XIRP2: variants seen among roughly 807,000 people sequenced by gnomAD.
The protein encoded by XIRP2 is xin actin binding repeat containing 2, also known as xin actin-binding repeat-containing protein 2.
A neutral mutation model predicts 277.0 loss-of-function variants in XIRP2; 236 were observed. That is an observed-to-expected ratio of 0.85 (90% CI 0.77 to 0.95). XIRP2 has a LOEUF of 0.95. XIRP2 is among the 40% of genes least tolerant of loss of function. The pLI, the probability that XIRP2 is intolerant of heterozygous loss-of-function variation, is 0.00. For missense variants in XIRP2, 4,640 were observed against 4,157.5 expected (o/e 1.12, Z -3.19); for synonymous variants, 1,490 against 1,416.5 (o/e 1.05, Z -1.17).
At chr2:167,146,616 A>G (rs901203478) in intron 3 of XIRP2, among the ~76,000 whole-genome samples, 35 of 152,272 alleles carry the variant, frequency 2.3e-4, no homozygotes, top group East Asian at 9.6e-4. Context: ...GGACACAATA[A>G]ACAGTCTAAT....
At chr2:167,091,416 C>T (rs1690144074) in intron 2 of XIRP2, among the ~76,000 whole-genome samples, 1 of 152,076 alleles carries the variant, frequency 6.6e-6, no homozygotes, top group South Asian at 2.1e-4. Context: ...GTATGTATTT[C>T]TGACTTATCA....
chr2:167,079,860 T>A (rs920445850), intron 2 of XIRP2, among the ~76,000 whole-genome samples: 1 of 152,116 alleles, frequency 6.6e-6, no homozygotes, highest in African/African-American at 2.4e-5. Flanking sequence ...TTGGGTTATA[T>A]CTTTTCTTCT....
chr2:166,929,577 A>C (rs1254638339), intron 2 of XIRP2, among the ~76,000 whole-genome samples: 2 of 152,216 alleles, frequency 1.3e-5, no homozygotes, highest in East Asian at 3.9e-4. Flanking sequence ...AGTGATTATA[A>C]TATTGTTGCA....
chr2:167,161,320 G>A (rs1429108478), intron 3 of XIRP2, among the ~76,000 whole-genome samples: 10 of 152,236 alleles, frequency 6.6e-5, no homozygotes, highest in African/African-American at 2.4e-4. Flanking sequence ...GCTCTGTGTG[G>A]GTGCTCTGAT....
intron 5 of XIRP2, among the ~76,000 whole-genome samples, chr2:167,224,687 T>G (rs1259188996): frequency 6.6e-6 from 1 of 152,216 alleles, no homozygotes; most frequent in Admixed American, 6.5e-5. Context: ...TAGCATATAT[T>G]AATTGATTAA....
intron 3 of XIRP2, among the ~76,000 whole-genome samples, chr2:167,189,344 A>G (rs1693256727): frequency 6.6e-6 from 1 of 152,174 alleles, no homozygotes; most frequent in South Asian, 2.1e-4. Flanking sequence ...GCCAGGAGTC[A>G]TGTCTAGATT....
intron 10 of XIRP2, among the ~76,000 whole-genome samples, chr2:167,256,489 A>G (rs780093002): frequency 1.4e-4 from 21 of 151,482 alleles, no homozygotes; most frequent in South Asian, 2.1e-4. Flanking sequence ...ATTCTGATTC[A>G]TGATGTTCTT....
chr2:167,130,741 T>C (rs1691350107), intron 2 of XIRP2, among the ~76,000 whole-genome samples: 1 of 152,086 alleles, frequency 6.6e-6, no homozygotes, highest in African/African-American at 2.4e-5. Flanking sequence ...GCGACCTAAA[T>C]TTCCTGTACC....
At position 167,248,332 on chromosome 2, in the gene XIRP2, C is replaced by T. The variant is rs769761003; in HGVS notation, c.6940C>T (p.Pro2314Ser). 2.5e-6 allele frequency: 4 copies of T among 1,613,796 alleles called. No individual in the cohort carries two copies. The highest frequency in any genetic ancestry group is 3.4e-6 in the Non-Finnish European group (4 of 1,179,820). Residue 2314 changes from proline to serine, a missense_variant, in exon 9 of 11, where the codon CCT (proline) becomes TCT (serine). Pro to Ser is a moderately conservative substitution (Grantham distance 74, BLOSUM62 -1). Transcript: ENST00000409195. ...AATTGAATTTCCTCTTCCTCCTCCA[C>T]CTCCTTTGATGATGTTTCCTGAAAA... ...SEIEFPLPPP[P>S]PLMMFPEKNG...
intron 2 of XIRP2, among the ~76,000 whole-genome samples, chr2:167,013,869 A>G (rs576829960): frequency 6.6e-6 from 1 of 151,212 alleles, no homozygotes; most frequent in South Asian, 2.1e-4. Flanking sequence ...TTGGGTAATT[A>G]GATTCCTCTT....
At chr2:167,203,627 G>A (rs930813379) in intron 3 of XIRP2, among the ~76,000 whole-genome samples, 2 of 152,076 alleles carry the variant, frequency 1.3e-5, no homozygotes, top group African/African-American at 4.8e-5. Context: ...AATTGATGCA[G>A]GTCTGTGCTG....
In XIRP2 at chr2:167,247,907, T is replaced by A. The variant is rs762373782; in HGVS notation, c.6515T>A (p.Val2172Asp). Reference sequence around the variant, plus strand: ...ACCCAGCATCCAGTCAGCATGCCAGTTGGAGGAACTTACGACCTTTCAGGG... The same window carrying A: ...ACCCAGCATCCAGTCAGCATGCCAGATGGAGGAACTTACGACCTTTCAGGG... Reference protein sequence around the residue: ...SPTQHPVSMPVGGTYDLSGDF... With the variant: ...SPTQHPVSMPDGGTYDLSGDF... The change falls in exon 9 of 11, where the codon GTT becomes GAT. Residue 2172 changes from valine (V) to aspartate (D), a missense_variant. Physicochemically the swap from Val to Asp is radical, Grantham distance 152. Coordinates refer to ENST00000409195, the MANE Select transcript of XIRP2 (RefSeq NM_152381.6). 2.5e-6 allele frequency: 4 copies of A among 1,613,212 alleles called. No homozygotes were observed. Among genetic ancestry groups the A allele is most frequent in the Non-Finnish European group, 2.5e-6 (3 of 1,179,674 alleles).
chr2:167,133,682 T>A (rs932251820), intron 2 of XIRP2, among the ~76,000 whole-genome samples: 1 of 152,178 alleles, frequency 6.6e-6, no homozygotes, highest in Non-Finnish European at 1.5e-5. Context: ...TTTGTAGGGA[T>A]CTGCACCTTC....
chr2:167,240,107 T>G (rs1695013410), intron 6 of XIRP2, 142 bp downstream of exon 6: 1 of 820,928 alleles, frequency 1.2e-6, no homozygotes, highest in African/African-American at 1.8e-5. Context: ...ACTTTCAAGT[T>G]GGAATTCTTT....
chr2:166,905,550 TA>T, intron 2 of XIRP2, among the ~76,000 whole-genome samples: 1 of 151,986 alleles, frequency 6.6e-6, no homozygotes, highest in Non-Finnish European at 1.5e-5. Context: ...ATTTGCCTTG[TA>T]AAAATGAGAT....
rs1694253615 is a variant in XIRP2 at position 167,216,677 on chromosome 2, TG to T, written c.724-1488del. On this transcript the variant is annotated intron_variant, in intron 4 of 10. Transcript: ENST00000409195. ...TGGAGAAATAGGAACACTTTTACACTGTTGGTGGGACTGGAAACTAGTTCAA... is the reference window on the plus strand; with the variant it reads ...TGGAGAAATAGGAACACTTTTACACTTTGGTGGGACTGGAAACTAGTTCAA... 5.3e-5 allele frequency among the ~76,000 whole-genome samples: 3 copies of T among 57,130 alleles called. No homozygotes were observed. The African/African-American group carries it at 6.3e-4, about 12-fold the overall frequency. 37.5% of individuals were successfully genotyped at this position (57,130 alleles called of 152,430 possible).
chr2:167,135,753 G>T, intron 2 of XIRP2, 156 bp from the exon 3 acceptor site: 1 of 654,734 alleles, frequency 1.5e-6, no homozygotes, highest in East Asian at 3.0e-5. Flanking sequence ...TGCAGTTCTT[G>T]GCAAAGTTAT....
At chr2:167,200,280 G>A (rs78935895) in intron 3 of XIRP2, among the ~76,000 whole-genome samples, 15,454 of 152,250 alleles carry the variant, frequency 0.1, 823 homozygotes, top group East Asian at 0.2. Flanking sequence ...CTGGCCTAGT[G>A]ATCACCTGGG....
intron 2 of XIRP2, among the ~76,000 whole-genome samples, chr2:167,023,823 T>C (rs565735262): frequency 7.2e-5 from 11 of 152,300 alleles, no homozygotes; most frequent in Admixed American, 6.5e-4. Flanking sequence ...ATATCTCTGT[T>C]TTGGTACCAG....
Sources: allele counts gnomAD v4.1 joint callset (sites outside exome capture counted in the v4.1 genomes callset), GRCh38; gene constraint gnomAD v4.1.1; transcripts MANE v1.5; gene names NCBI Gene and HGNC (gene_info 2026-07-23, HGNC 2026-07-21).